Variants in STAU2 observed in about 807,000 individuals in gnomAD.
STAU2 encodes the protein double-stranded RNA-binding protein Staufen homolog 2.
In STAU2, 20 loss-of-function variants were observed where a neutral mutation model predicts 65.9. That is an observed-to-expected ratio of 0.30 (90% CI 0.21 to 0.44). The LOEUF is 0.44. STAU2 is among the 20% of genes least tolerant of loss of function. The pLI is 1.00. For synonymous variants in STAU2, 232 were observed against 233.9 expected, an observed-to-expected ratio of 0.99 and a Z score of 0.07; for missense variants, 558 against 683.9, an observed-to-expected ratio of 0.82 and a Z score of 2.05.
At chr8:73,742,256 G>C in intron 1 of STAU2, 2 of 985,182 alleles carry the variant, frequency 2.0e-6, no homozygotes, top group Non-Finnish European at 1.2e-6. Context: ...TCCTCAGCTG[G>C]GTGTGGTGGC....
intron 12 of STAU2, among the ~76,000 whole-genome samples, chr8:73,561,996 C>A (rs1808265436): frequency 6.6e-6 from 1 of 152,172 alleles, no homozygotes; most frequent in Admixed American, 6.5e-5. Flanking sequence ...GTATAACTAC[C>A]TTTCAGTAGT....
intron 13 of STAU2, among the ~76,000 whole-genome samples, chr8:73,444,354 C>T (rs560959186): frequency 6.0e-5 from 9 of 150,230 alleles, no homozygotes; most frequent in East Asian, 3.9e-4. Context: ...TGCAGTGAGC[C>T]GAGATCGCAT....
At chr8:73,700,626 T>G (rs1409651116) in intron 4 of STAU2, among the ~76,000 whole-genome samples, 2 of 151,902 alleles carry the variant, frequency 1.3e-5, no homozygotes, top group Admixed American at 1.3e-4. Flanking sequence ...AAGTGAACGA[T>G]CTCTACAATG....
rs1449396675 is a variant in STAU2 at position 73,709,085 on chromosome 8, T to TA, written c.60dup (p.Arg21Ter). 5.2e-6 allele frequency: 8 copies of TA among 1,533,848 alleles called. No individual in the cohort carries two copies. In the East Asian group the frequency reaches 2.0e-4, roughly 38 times the overall value. On this transcript the variant is annotated frameshift_variant, in exon 4 of 15. Coordinates refer to ENST00000524300, the MANE Select transcript of STAU2 (RefSeq NM_001164380.2). LOFTEE classifies it high-confidence loss of function. ...AGAAGTTTATACTGGGGTTGGACTC[T>TA]ATTGAAACGGGCTAACTCATTTACC...
At chr8:73,546,420 C>T (rs1453921128) in intron 13 of STAU2, among the ~76,000 whole-genome samples, 4 of 152,172 alleles carry the variant, frequency 2.6e-5, no homozygotes, top group Non-Finnish European at 5.9e-5. Context: ...GACTGGTCTT[C>T]AAACATTATA....
chr8:73,683,294 G>A (rs1408924866), intron 5 of STAU2, among the ~76,000 whole-genome samples: 1 of 152,180 alleles, frequency 6.6e-6, no homozygotes, highest in Non-Finnish European at 1.5e-5. Flanking sequence ...TACCAGGGAT[G>A]CAGGGATAGT....
At chr8:73,714,049 A>G (rs1008324679) in intron 3 of STAU2, among the ~76,000 whole-genome samples, 2 of 152,044 alleles carry the variant, frequency 1.3e-5, no homozygotes, top group African/African-American at 4.8e-5. Context: ...AATTACAGGC[A>G]TGCACCACCA....
At chr8:73,561,487 C>T (rs775258371) in intron 12 of STAU2, 5 of 450,092 alleles carry the variant, frequency 1.1e-5, no homozygotes, top group Admixed American at 4.9e-5. Context: ...AAATAAAGAT[C>T]GTTCTTCTTG....
chr8:73,520,480 C>T (rs1822982184), intron 13 of STAU2, among the ~76,000 whole-genome samples: 1 of 152,156 alleles, frequency 6.6e-6, no homozygotes, highest in African/African-American at 2.4e-5. Context: ...ATATGTGACA[C>T]TTGATCCCTT....
intron 13 of STAU2, among the ~76,000 whole-genome samples, chr8:73,459,574 G>A (rs530079083): frequency 2.9e-4 from 44 of 152,002 alleles, no homozygotes; most frequent in African/African-American, 9.2e-4. Context: ...GTGTGAAGTC[G>A]CCTCTCGTTA....
intron 11 of STAU2, among the ~76,000 whole-genome samples, chr8:73,591,645 C>T (rs1433213465): frequency 6.6e-6 from 1 of 151,780 alleles, no homozygotes; most frequent in East Asian, 1.9e-4. Context: ...TCAACAAAGA[C>T]ACAACACTAA....
chr8:73,633,849 T>C (rs1343507076), intron 6 of STAU2, among the ~76,000 whole-genome samples: 1 of 151,738 alleles, frequency 6.6e-6, no homozygotes, highest in Non-Finnish European at 1.5e-5. Context: ...GGCGTGGTGG[T>C]GGGTGCCTGT....
intron 6 of STAU2, among the ~76,000 whole-genome samples, chr8:73,650,152 C>G (rs73686874): frequency 6.6e-6 from 1 of 151,530 alleles, no homozygotes; most frequent in Non-Finnish European, 1.5e-5. Flanking sequence ...TATTATCATT[C>G]CTAATTTAAC....
At chr8:73,705,748 C>T (rs532493183) in intron 4 of STAU2, among the ~76,000 whole-genome samples, 8 of 152,210 alleles carry the variant, frequency 5.3e-5, no homozygotes, top group South Asian at 2.1e-4. Context: ...TTAATAGTCA[C>T]ATATTACAAG....
chr8:73,705,846 A>G (rs1159785000), intron 4 of STAU2, among the ~76,000 whole-genome samples: 1 of 152,206 alleles, frequency 6.6e-6, no homozygotes, highest in East Asian at 1.9e-4. Flanking sequence ...ATATAAGAGA[A>G]GACAATTCCA....
intron 13 of STAU2, among the ~76,000 whole-genome samples, chr8:73,459,381 C>A (rs1235617254): frequency 6.6e-6 from 1 of 152,086 alleles, no homozygotes; most frequent in Non-Finnish European, 1.5e-5. Flanking sequence ...CATATTTTTC[C>A]AGTCTATAGA....
intron 13 of STAU2, among the ~76,000 whole-genome samples, chr8:73,466,135 G>C (rs1177419691): frequency 3.3e-5 from 5 of 152,124 alleles, no homozygotes; most frequent in Non-Finnish European, 7.4e-5. Flanking sequence ...TTGCATTTTA[G>C]GATAGCACAC....
intron 6 of STAU2, among the ~76,000 whole-genome samples, chr8:73,660,299 G>A (rs922370502): frequency 1.3e-5 from 2 of 152,102 alleles, no homozygotes; most frequent in Non-Finnish European, 2.9e-5. Flanking sequence ...GCATGGTGGT[G>A]CATGCCTGTA....
At chr8:73,642,643 CT>C (rs1248427029) in intron 6 of STAU2, among the ~76,000 whole-genome samples, 2 of 152,288 alleles carry the variant, frequency 1.3e-5, no homozygotes, top group East Asian at 3.9e-4. Flanking sequence ...TTTATCACTG[CT>C]TTTCTTTATT....
Sources: gnomAD v4.1 joint callset for allele counts (sites outside exome capture counted in the v4.1 genomes callset) on GRCh38, gnomAD v4.1.1 for gene constraint, MANE v1.5 for transcripts, NCBI Gene and HGNC (gene_info 2026-07-23, HGNC 2026-07-21) for gene names.